The following TTC28 variants were observed in gnomAD, a reference collection of about 807,000 sequenced individuals.
The protein encoded by TTC28 is tetratricopeptide repeat protein 28.
A neutral mutation model predicts 198.0 loss-of-function variants in TTC28; 61 were observed. That is an observed-to-expected ratio of 0.31 (90% CI 0.25 to 0.38). The LOEUF is 0.38. Among genes scored for constraint, TTC28 ranks in the 10% least tolerant of loss-of-function variants. The probability of loss-of-function intolerance (pLI) is 1.00; values close to 1 mark genes in which losing one functional copy is unlikely to be tolerated. For missense variants in TTC28, 2,678 were observed against 3,164.0 expected, an observed-to-expected ratio of 0.85 and a Z score of 3.69; for synonymous variants, 1,171 against 1,297.8, an observed-to-expected ratio of 0.90 and a Z score of 2.10.
rs375467054 is a variant in TTC28, at chr22:28,640,322, GGGA to G, written c.103-10495_103-10493del. On this transcript the variant is annotated intron_variant, in intron 1 of 22. Transcript: ENST00000397906. ...GGAGAAAAAAAGTAAAGGGGGGGGGGGGAAAGATGAGCAATAAGAGACCTAAGT... is the reference window on the plus strand; with the variant it reads ...GGAGAAAAAAAGTAAAGGGGGGGGGGAAGATGAGCAATAAGAGACCTAAGT... Among the ~76,000 whole-genome samples, 6 of 141,072 alleles carry G rather than the reference GGGA, an allele frequency of 4.3e-5. 1 individual carries two copies. The highest frequency in any genetic ancestry group is 2.5e-4 in the South Asian group (1 of 3,946). The allele number at this position is 141,072 out of a possible 152,430, so 92.5% of individuals were successfully genotyped here. A position where few individuals can be genotyped will look rare whatever the true frequency, so the allele number is the denominator to read the frequency against.
chr22:28,464,147 A>G (rs1207921939), intron 2 of TTC28, among the ~76,000 whole-genome samples: 1 of 152,130 alleles, frequency 6.6e-6, no homozygotes, highest in Non-Finnish European at 1.5e-5. Context: ...TCACATACTA[A>G]CACATTGGAA....
intron 5 of TTC28, among the ~76,000 whole-genome samples, chr22:28,217,759 C>A (rs1040620050): frequency 6.6e-6 from 1 of 152,140 alleles, no homozygotes; most frequent in African/African-American, 2.4e-5. Flanking sequence ...TTATGCAGTA[C>A]ATAACAATGT....
At position 27,982,527 on chromosome 22, in the gene TTC28, C is replaced by T. The variant is rs1448330559; in HGVS notation, c.7140G>A (p.Gly2380=). The change falls in exon 23 of 23, where the codon GGG becomes GGA. Residue 2380 remains glycine (G), a synonymous_variant. Transcript: ENST00000397906. This position sits in a 1 kb window ranked among gnomAD's most constrained non-coding sequence, Gnocchi z 5.2. The part of the protein sequence containing the change: ...HSTGPMKIFR[G]APGTMTSKRD... ...TTTTGGAAGTCATCGTGCCAGGAGC[C>T]CCCCGGAAGATCTTCATTGGCCCTG... The T allele has an allele frequency of 1.3e-6, 2 of 1,551,628 alleles. No individual in the cohort carries two copies. Among genetic ancestry groups the T allele is most frequent in the African/African-American group, 1.4e-5 (1 of 73,116 alleles).
chr22:28,037,702 C>G (rs960685403), intron 12 of TTC28, among the ~76,000 whole-genome samples: 1 of 152,100 alleles, frequency 6.6e-6, no homozygotes. Context: ...AAAGGGCATT[C>G]AATTAGGAAA....
At chr22:28,306,367 G>T in intron 3 of TTC28, 129 bp downstream of exon 3, 2 of 1,094,852 alleles carry the variant, frequency 1.8e-6, no homozygotes, top group South Asian at 1.6e-5. Context: ...GATCTTCCTT[G>T]GTCTAAAATA....
At chr22:28,577,997 C>T (rs1347937786) in intron 2 of TTC28, among the ~76,000 whole-genome samples, 1 of 152,024 alleles carries the variant, frequency 6.6e-6, no homozygotes, top group Non-Finnish European at 1.5e-5. Context: ...CTTACTCCTG[C>T]TATTTTATGT....
At chr22:28,333,575 A>G (rs947585880) in intron 2 of TTC28, among the ~76,000 whole-genome samples, 1 of 152,088 alleles carries the variant, frequency 6.6e-6, no homozygotes, top group Admixed American at 6.6e-5. Context: ...TGTTCTGCCA[A>G]TCTTCAATTC....
intron 5 of TTC28, among the ~76,000 whole-genome samples, chr22:28,280,557 T>G (rs2044565377): frequency 6.6e-6 from 1 of 152,096 alleles, no homozygotes; most frequent in African/African-American, 2.4e-5. Context: ...AGGCTGGTCT[T>G]GAACTCCTGA....
At chr22:28,558,578 G>C (rs940396037) in intron 2 of TTC28, among the ~76,000 whole-genome samples, 1 of 152,184 alleles carries the variant, frequency 6.6e-6, no homozygotes, top group Non-Finnish European at 1.5e-5. Flanking sequence ...GGGATGCTGA[G>C]GCAGGAGAAT....
At chr22:28,475,692 A>G (rs569466204) in intron 2 of TTC28, among the ~76,000 whole-genome samples, 51 of 152,344 alleles carry the variant, frequency 3.3e-4, no homozygotes, top group African/African-American at 1.2e-3. Flanking sequence ...CCAATCAGAT[A>G]CTGAATAAAT....
At chr22:28,627,321 A>C (rs1271873555) in intron 2 of TTC28, among the ~76,000 whole-genome samples, 1 of 152,184 alleles carries the variant, frequency 6.6e-6, no homozygotes. Context: ...AGAGGTTAAG[A>C]GATTACTCAA....
intron 6 of TTC28, among the ~76,000 whole-genome samples, chr22:28,139,567 T>A (rs2146984497): frequency 6.6e-6 from 1 of 151,720 alleles, no homozygotes; most frequent in Admixed American, 6.6e-5. Flanking sequence ...ATAAGGAGAG[T>A]AAACTTGATA....
At chr22:27,993,632 A>G in intron 17 of TTC28, 114 bp from the exon 18 acceptor site, 3 of 1,060,134 alleles carry the variant, frequency 2.8e-6, no homozygotes, top group Non-Finnish European at 4.0e-6. Context: ...CTGCAACCCC[A>G]CATAGCCCAC....
chr22:28,606,975 G>GT (rs2050745715), intron 2 of TTC28, among the ~76,000 whole-genome samples: 1 of 152,124 alleles, frequency 6.6e-6, no homozygotes, highest in Non-Finnish European at 1.5e-5. Flanking sequence ...TTGAGAAATG[G>GT]TAAGTGCTGG....
At chr22:28,381,946 A>G (rs559294396) in intron 2 of TTC28, among the ~76,000 whole-genome samples, 2 of 152,326 alleles carry the variant, frequency 1.3e-5, no homozygotes, top group East Asian at 3.9e-4. Context: ...TGCACTGGGC[A>G]CTGGAAGAGA....
chr22:28,574,162 C>T (rs2050107576), intron 2 of TTC28, among the ~76,000 whole-genome samples: 5 of 152,092 alleles, frequency 3.3e-5, no homozygotes, highest in Admixed American at 3.3e-4. Flanking sequence ...CACAGACGTG[C>T]ACCACCATAC....
At chr22:28,534,721 T>C (rs1375231199) in intron 2 of TTC28, among the ~76,000 whole-genome samples, 2 of 152,190 alleles carry the variant, frequency 1.3e-5, no homozygotes, top group African/African-American at 4.8e-5. Context: ...CAGCATGGAA[T>C]GCTAGGCAGC....
chr22:28,093,717 G>A (rs1941885135), intron 12 of TTC28, among the ~76,000 whole-genome samples: 1 of 152,076 alleles, frequency 6.6e-6, no homozygotes, highest in African/African-American at 2.4e-5. Context: ...TTCAGCTACA[G>A]TACAAACAAA....
In TTC28 at chr22:28,238,969, G is replaced by A. The variant is rs532985582; in HGVS notation, c.933+57229C>T. ...TCAATGAAACCATTGTGCTCTATGA[G>A]GTTCCTCTCCTTACGACATGACCTG... On this transcript the variant is annotated intron_variant, in intron 5 of 22. Coordinates refer to ENST00000397906, the MANE Select transcript of TTC28 (RefSeq NM_001145418.2). Among the ~76,000 whole-genome samples, 14 of 152,254 alleles carry A rather than the reference G, an allele frequency of 9.2e-5. No individual in the cohort carries two copies. In the South Asian group the frequency reaches 2.9e-3, roughly 32 times the overall value.
Sources: gnomAD v4.1 joint callset for allele counts (sites outside exome capture counted in the v4.1 genomes callset) on GRCh38, gnomAD v4.1.1 for gene constraint, Gnocchi (gnomAD v3.1) non-coding constraint, MANE v1.5 for transcripts, NCBI Gene and HGNC (gene_info 2026-07-23, HGNC 2026-07-21) for gene names.